Variants in CHD9 observed in about 807,000 individuals in gnomAD.
CHD9 encodes the protein chromodomain helicase DNA binding protein 9.
CHD9 carries 77 observed loss-of-function variants against 316.1 expected under a neutral mutation model. That is an observed-to-expected ratio of 0.24 (90% CI 0.20 to 0.29). The LOEUF is 0.29. CHD9 is among the 10% of genes least tolerant of loss of function. The probability of loss-of-function intolerance (pLI) is 1.00; values close to 1 mark genes in which losing one functional copy is unlikely to be tolerated. For missense variants in CHD9, 2,763 were observed against 3,438.1 expected, an observed-to-expected ratio of 0.80 and a Z score of 4.91; for synonymous variants, 1,129 against 1,158.3, an observed-to-expected ratio of 0.97 and a Z score of 0.51.
chr16:53,080,834 C>T (rs2152534175), intron 1 of CHD9, among the ~76,000 whole-genome samples: 1 of 152,296 alleles, frequency 6.6e-6, no homozygotes, highest in South Asian at 2.1e-4. Flanking sequence ...GACATTCAGT[C>T]ATCAGCTTTC....
At chr16:53,286,137 A>T (rs1295785795) in intron 25 of CHD9, 89 bp from the exon 26 acceptor site, 7 of 638,278 alleles carry the variant, frequency 1.1e-5, no homozygotes, top group Non-Finnish European at 5.5e-6. Flanking sequence ...GTCCAGAAAT[A>T]TCATCCACTG....
chr16:53,278,800 C>T (rs1292324631), intron 24 of CHD9, among the ~76,000 whole-genome samples: 1 of 152,082 alleles, frequency 6.6e-6, no homozygotes, highest in African/African-American at 2.4e-5. Flanking sequence ...AAATCAAAAC[C>T]ACAATGAGAT....
intron 24 of CHD9, among the ~76,000 whole-genome samples, chr16:53,282,959 T>G (rs1180702476): frequency 1.3e-5 from 2 of 152,178 alleles, no homozygotes; most frequent in Non-Finnish European, 2.9e-5. Flanking sequence ...TGGCTTCAAT[T>G]TTTGTCTCTA....
At chr16:53,094,317 G>A (rs935780993) in intron 1 of CHD9, among the ~76,000 whole-genome samples, 2 of 152,300 alleles carry the variant, frequency 1.3e-5, no homozygotes, top group Admixed American at 6.5e-5. Flanking sequence ...GGAACTGGAA[G>A]TCTGTACCGG....
At chr16:53,062,842 C>T (rs1443979329) in intron 1 of CHD9, among the ~76,000 whole-genome samples, 2 of 152,060 alleles carry the variant, frequency 1.3e-5, no homozygotes, top group African/African-American at 4.8e-5. Context: ...ACCAGCCTGA[C>T]CAACATGGAG....
Position 53,297,022 on chromosome 16 carries a change from T to C in CHD9, c.5577T>C (p.Pro1859=), listed in dbSNP as rs779193326. Residue 1859 remains proline (P), a synonymous_variant, in exon 30 of 39, where the codon CCT becomes CCC. Transcript: ENST00000447540. ...CTACATTTGGAGTGGTTTTTGACCC[T>C]GACAGAGGCCAATTTGATTGGACAA... is the stretch of plus-strand genomic sequence containing the variant. ...VVSTFGVVFD[P]DRGQFDWTKF... is the part of the protein sequence containing the mutation. 1.9e-6 allele frequency: 3 copies of C among 1,599,914 alleles called. No individual in the cohort carries two copies. Among genetic ancestry groups the C allele is most frequent in the Non-Finnish European group, 1.7e-6 (2 of 1,171,778 alleles).
chr16:53,153,358 A>G (rs1233591376), intron 1 of CHD9, among the ~76,000 whole-genome samples: 3 of 152,218 alleles, frequency 2.0e-5, no homozygotes, highest in African/African-American at 7.2e-5. Context: ...TTGATGACTC[A>G]GAAGAGAAGA....
intron 2 of CHD9, among the ~76,000 whole-genome samples, chr16:53,201,811 C>T (rs2045480388): frequency 6.6e-6 from 1 of 151,174 alleles, no homozygotes; most frequent in Non-Finnish European, 1.5e-5. Flanking sequence ...ATTTATACAT[C>T]TAAAAGGCAA....
At chr16:53,188,602 CTTTTTTTTTTTTT>C (rs369979479) in intron 2 of CHD9, among the ~76,000 whole-genome samples, 69 of 71,252 alleles carry the variant, frequency 9.7e-4, no homozygotes, top group Non-Finnish European at 1.3e-3. Flanking sequence ...TGGTCATTAC[CTTTTTTTTTTTTT>C]TTTTTTTTTT....
At chr16:53,114,725 C>G (rs1408967763) in intron 1 of CHD9, among the ~76,000 whole-genome samples, 4 of 152,098 alleles carry the variant, frequency 2.6e-5, no homozygotes, top group Admixed American at 2.6e-4. Flanking sequence ...GTAGCTGGGA[C>G]TACAGGCGCC....
chr16:53,267,328 A>G lies in CHD9; in HGVS notation c.4355A>G (p.Lys1452Arg). Residue 1452 changes from lysine (K) to arginine (R), a missense_variant, in exon 21 of 39, where the codon AAG (lysine) becomes AGG (arginine). By Grantham distance (26) the Lys-to-Arg change is conservative. Transcript: ENST00000447540. ...SLVIDTPRIRKQTRPFSATKD... is the reference protein window; with the variant it reads ...SLVIDTPRIRRQTRPFSATKD... ...GTTATTGACACTCCAAGAATTAGGA[A>G]GCAAACAAGACCTTTTAGTGCCACA... The G allele has an allele frequency of 1.2e-6, 2 of 1,611,552 alleles. No homozygotes were observed. The highest frequency in any genetic ancestry group is 1.7e-6 in the Non-Finnish European group (2 of 1,178,616).
At chr16:53,122,398 T>C (rs1342617880) in intron 1 of CHD9, among the ~76,000 whole-genome samples, 4 of 152,316 alleles carry the variant, frequency 2.6e-5, no homozygotes, top group East Asian at 3.9e-4. Context: ...CTTCAAACTT[T>C]AAAAATTATT....
intron 2 of CHD9, among the ~76,000 whole-genome samples, chr16:53,195,139 A>G (rs943761608): frequency 2.0e-5 from 3 of 152,342 alleles, no homozygotes; most frequent in South Asian, 2.1e-4. Flanking sequence ...GACATTAAAC[A>G]TCATCCATTT....
intron 2 of CHD9, among the ~76,000 whole-genome samples, chr16:53,193,475 A>G (rs943427632): frequency 4.0e-5 from 6 of 151,898 alleles, no homozygotes; most frequent in Non-Finnish European, 7.4e-5. Flanking sequence ...AAATCTTTTA[A>G]CCATCCAAAT....
At position 53,245,012 on chromosome 16, in the gene CHD9, A is replaced by G. The variant is rs2152955489; in HGVS notation, c.3055-324A>G. On this transcript the variant is annotated intron_variant, in intron 13 of 38. Transcript: ENST00000447540. The surrounding 1 kb of genome is among the most constrained non-coding windows in gnomAD (Gnocchi z 4.1). The stretch of plus-strand genomic sequence containing the variant: ...ATACCTGTAGTCCTAGCTACTCGGG[A>G]GTCTGAGGCAGGAGGATCCCTTAAG... Among the ~76,000 whole-genome samples the G allele has an allele frequency of 6.6e-6, 1 of 152,114 alleles. No individual in the cohort carries two copies. Among genetic ancestry groups the G allele is most frequent in the East Asian group, 1.9e-4 (1 of 5,176 alleles).
rs547639062 is a variant in CHD9, at chr16:53,120,389, G to A, written c.-164-35537G>A. Reference sequence around the variant, plus strand: ...AGCATTTTGGGAAGCTGAGGCAGGCGGATCACCTGAGGTCGGGAGTTTGAG... The same window carrying A: ...AGCATTTTGGGAAGCTGAGGCAGGCAGATCACCTGAGGTCGGGAGTTTGAG... On this transcript the variant is annotated intron_variant, in intron 1 of 38. Transcript: ENST00000447540. Among the ~76,000 whole-genome samples the A allele has an allele frequency of 2.0e-5, 3 of 152,204 alleles. No homozygotes were observed. The East Asian group carries it at 5.8e-4, about 30-fold the overall frequency.
chr16:53,131,533 C>G (rs1035306954), intron 1 of CHD9, among the ~76,000 whole-genome samples: 1 of 151,062 alleles, frequency 6.6e-6, no homozygotes, highest in African/African-American at 2.4e-5. Context: ...CCCCCGCCCC[C>G]CGGCCCACAG....
chr16:53,242,180 C>T (rs925560217), intron 12 of CHD9, among the ~76,000 whole-genome samples: 8 of 152,180 alleles, frequency 5.3e-5, no homozygotes, highest in African/African-American at 1.7e-4. Context: ...CCACTCTATA[C>T]AAAAACTGCA....
chr16:53,061,652 C>T lies in CHD9; in HGVS notation c.-165+6575C>T, dbSNP rs78834058. Among the ~76,000 whole-genome samples, 835 of 152,270 alleles carry T rather than the reference C, an allele frequency of 5.5e-3. 1 individual carries two copies. Among genetic ancestry groups the T allele is most frequent in the African/African-American group, 0.019 (796 of 41,546 alleles). ...TAGAAAATATTTCAGAAGTGTCCCA[C>T]GAAAAGGCAGGGAGACTGGGGTATA... On this transcript the variant is annotated intron_variant, in intron 1 of 38. Coordinates refer to ENST00000447540, the MANE Select transcript of CHD9 (RefSeq NM_001308319.2).
Sources: allele counts gnomAD v4.1 joint callset (sites outside exome capture counted in the v4.1 genomes callset), GRCh38; gene constraint gnomAD v4.1.1; non-coding constraint Gnocchi (gnomAD v3.1); transcripts MANE v1.5; gene names NCBI Gene and HGNC (gene_info 2026-07-23, HGNC 2026-07-21).